Variants in CEP72 observed in about 807,000 individuals in gnomAD.
CEP72 encodes the protein centrosomal protein 72.
Under a neutral mutation model 65.7 loss-of-function variants are expected in CEP72, and 78 were observed. The ratio of observed to expected loss-of-function variants is 1.19; its 90% CI spans 0.99 to 1.43. The LOEUF is 1.43. Ranked by LOEUF, CEP72 falls within the 40% of genes most tolerant of loss-of-function variation. The pLI is 0.00. For synonymous variants in CEP72, 358 were observed against 351.7 expected (o/e 1.02, Z -0.20); for missense variants, 914 against 832.9 (o/e 1.10, Z -1.20).
chr5:667,739 T>C (rs1355481311), downstream of CEP72, among the ~76,000 whole-genome samples: 3 of 150,974 alleles, frequency 2.0e-5, no homozygotes, highest in Admixed American at 6.6e-5. Flanking sequence ...GCAGAATATT[T>C]GAAGCAGACA....
intron 1 of CEP72, among the ~76,000 whole-genome samples, chr5:616,007 C>G (rs1735966576): frequency 6.6e-6 from 1 of 152,164 alleles, no homozygotes; most frequent in Non-Finnish European, 1.5e-5. Context: ...CTCTGCATAC[C>G]TTGAGAACCG....
intron 4 of CEP72, among the ~76,000 whole-genome samples, chr5:666,430 G>C (rs557977929): frequency 6.6e-6 from 1 of 152,314 alleles, no homozygotes; most frequent in African/African-American, 2.4e-5. Context: ...TCCTCCTCCC[G>C]GGGCCACCAC....
chr5:665,226 C>T (rs1739846299), exon 3 of CEP72: 10 of 1,613,746 alleles, frequency 6.2e-6, no homozygotes, highest in Middle Eastern at 1.6e-4. Context: ...GGGGTCGAAG[C>T]GCTCCTTGTG....
At chr5:671,601 A>G (rs1436261422), downstream of CEP72, among the ~76,000 whole-genome samples, 1 of 152,174 alleles carries the variant, frequency 6.6e-6, no homozygotes, top group Non-Finnish European at 1.5e-5. Flanking sequence ...TGCTCTGGGG[A>G]TTGCTGGTGC....
At chr5:646,358 G>A (rs938269157) in intron 10 of CEP72, among the ~76,000 whole-genome samples, 5 of 152,052 alleles carry the variant, frequency 3.3e-5, no homozygotes, top group African/African-American at 1.2e-4. Context: ...ATGTTCTTGC[G>A]CCCTAACCCT....
At chr5:634,251 G>A (rs1251818373) in intron 5 of CEP72, among the ~76,000 whole-genome samples, 2 of 152,210 alleles carry the variant, frequency 1.3e-5, no homozygotes, top group South Asian at 4.1e-4. Context: ...GTGGCAAGTG[G>A]GGCTGACATC....
chr5:644,479 C>G (rs942213307), intron 10 of CEP72, 54 bp downstream of exon 10: 1 of 1,583,336 alleles, frequency 6.3e-7, no homozygotes, highest in African/African-American at 1.3e-5. Flanking sequence ...TCAAATGTGC[C>G]TAGGTAGACT....
At chr5:651,527 A>G (rs936275912) in intron 11 of CEP72, among the ~76,000 whole-genome samples, 3 of 151,794 alleles carry the variant, frequency 2.0e-5, no homozygotes, top group Non-Finnish European at 4.4e-5. Context: ...TTCCCCCTTC[A>G]CTGCAGTGCG....
chr5:615,469 G>A (rs1387325791), intron 1 of CEP72, among the ~76,000 whole-genome samples: 1 of 152,084 alleles, frequency 6.6e-6, no homozygotes, highest in Non-Finnish European at 1.5e-5. Flanking sequence ...TCTTTGTTGA[G>A]ACATCTGTCT....
chr5:643,460 C>T (rs1469016446), intron 9 of CEP72: 4 of 985,258 alleles, frequency 4.1e-6, no homozygotes, highest in Middle Eastern at 5.2e-4. Flanking sequence ...TCACCATGGG[C>T]GTCGGGGGCC....
At chr5:640,723 C>T (rs1405071035) in intron 9 of CEP72, 119 bp downstream of exon 9, 12 of 1,446,368 alleles carry the variant, frequency 8.3e-6, no homozygotes, top group African/African-American at 1.4e-5. Context: ...CTCTGCAGCC[C>T]CATGTCTCCA....
the CEP72 span, among the ~76,000 whole-genome samples, chr5:675,112 A>G: frequency 2.0e-3 from 11 of 5,440 alleles, no homozygotes; most frequent in East Asian, 4.6e-3. Context: ...GGGGTGCAGC[A>G]CGGGGGGTAC....
At chr5:673,885 G>A in the CEP72 span, among the ~76,000 whole-genome samples, 5 of 152,366 alleles carry the variant, frequency 3.3e-5, no homozygotes, top group East Asian at 7.7e-4. Context: ...TTCTCCAAAT[G>A]AGCCACAGCC....
intron 2 of CEP72, chr5:664,927 G>A: frequency 1.5e-6 from 1 of 683,846 alleles, no homozygotes; most frequent in Non-Finnish European, 2.4e-6. Context: ...GGGAGTGCTG[G>A]GGGCATCCGG....
chr5:641,542 A>G (rs1016242418), intron 9 of CEP72: 91 of 963,194 alleles, frequency 9.4e-5, no homozygotes, highest in African/African-American at 1.0e-4. Context: ...ACAGCAAAAC[A>G]ACACAGGCAG....
intron 11 of CEP72, among the ~76,000 whole-genome samples, chr5:651,288 C>T (rs1380875460): frequency 9.1e-6 from 1 of 109,666 alleles, no homozygotes; most frequent in Non-Finnish European, 1.8e-5. Context: ...TGAGGTGTGA[C>T]TGTGAGGTGT....
rs1445018821 is a variant in CEP72 at position 645,243 on chromosome 5, T to C, written c.1666+818T>C. Reference sequence around the variant, plus strand: ...GGGAGGCAGCTGTGGATGAGGCCTGTGGCCGCTCTGTCTCCTTTGGGGCAG... The same window carrying C: ...GGGAGGCAGCTGTGGATGAGGCCTGCGGCCGCTCTGTCTCCTTTGGGGCAG... On this transcript the variant is annotated intron_variant, in intron 10 of 11. Coordinates refer to ENST00000264935, the MANE Select transcript of CEP72 (RefSeq NM_018140.4). This position sits in a 1 kb window ranked among gnomAD's most constrained non-coding sequence, Gnocchi z 4.0. Among the ~76,000 whole-genome samples, 5 of 152,312 alleles carry C rather than the reference T, an allele frequency of 3.3e-5. No homozygotes were observed. The East Asian group carries it at 9.7e-4, about 29-fold the overall frequency.
At chr5:625,937 A>AC (rs1736727783) in intron 4 of CEP72, among the ~76,000 whole-genome samples, 1 of 151,648 alleles carries the variant, frequency 6.6e-6, no homozygotes, top group African/African-American at 2.4e-5. Context: ...ATCAGGGCCC[A>AC]CCTTAATGGC....
chr5:649,761 C>A (rs573823668), intron 11 of CEP72, among the ~76,000 whole-genome samples: 1 of 55,668 alleles, frequency 1.8e-5, no homozygotes, highest in Non-Finnish European at 3.1e-5. Context: ...TGAGGTGTGA[C>A]TGTGAGGCGT....
Sources: allele counts gnomAD v4.1 joint callset (sites outside exome capture counted in the v4.1 genomes callset), GRCh38; gene constraint gnomAD v4.1.1; non-coding constraint Gnocchi (gnomAD v3.1); transcripts MANE v1.5; gene names NCBI Gene and HGNC (gene_info 2026-07-23, HGNC 2026-07-21).